The following DNAH14 variants were observed in gnomAD, a reference collection of about 807,000 sequenced individuals.
DNAH14 encodes axonemal beta dynein heavy chain 14.
Under a neutral mutation model 520.9 loss-of-function variants are expected in DNAH14, and 478 were observed. That is an observed-to-expected ratio of 0.92 (90% CI 0.85 to 0.99). DNAH14 has a LOEUF of 0.99. DNAH14 is among the 50% of genes least tolerant of loss of function. DNAH14 has a pLI of 0.00. For synonymous variants in DNAH14, 1,581 were observed against 1,757.2 expected (o/e 0.90, Z 2.51); for missense variants, 4,831 against 5,234.5 (o/e 0.92, Z 2.38).
At position 225,138,681 on chromosome 1, in the gene DNAH14, G is replaced by A. The variant is rs111636003; in HGVS notation, c.4255-2087G>A. Among the ~76,000 whole-genome samples the A allele has an allele frequency of 3.8e-3, 585 of 152,218 alleles. 5 individuals are homozygous for A. Among genetic ancestry groups the A allele is most frequent in the African/African-American group, 0.013 (553 of 41,518 alleles). ...GCTCCACAGGTTGCAAAGATTCGTG[G>A]GAAAAGCATGGTTTCCCGGGTGGGG... On this transcript the variant is annotated intron_variant, in intron 27 of 85. Coordinates refer to ENST00000682510, the MANE Select transcript of DNAH14 (RefSeq NM_001367479.1).
At chr1:225,036,211 C>T (rs1028881376) in intron 11 of DNAH14, among the ~76,000 whole-genome samples, 1 of 152,180 alleles carries the variant, frequency 6.6e-6, no homozygotes, top group Admixed American at 6.5e-5. Flanking sequence ...TCTTGGCTCA[C>T]TGCAACCTCC....
intron 17 of DNAH14, among the ~76,000 whole-genome samples, chr1:225,077,503 T>TGG (rs2072447083): frequency 1.3e-5 from 2 of 151,588 alleles, no homozygotes; most frequent in African/African-American, 2.4e-5. Context: ...CAAAATTTTT[T>TGG]GGGCATTTAA....
At chr1:225,312,577 A>C (rs1489597017) in intron 60 of DNAH14, among the ~76,000 whole-genome samples, 1 of 152,092 alleles carries the variant, frequency 6.6e-6, no homozygotes, top group Non-Finnish European at 1.5e-5. Context: ...TATTGGCTGT[A>C]GGTTTGTCAT....
intron 63 of DNAH14, 65 bp downstream of exon 63, chr1:225,324,418 T>G (rs1272958467): frequency 9.2e-6 from 14 of 1,520,294 alleles, no homozygotes; most frequent in Non-Finnish European, 1.1e-5. Flanking sequence ...CCAGAAATAA[T>G]TTTTATTTAC....
intron 23 of DNAH14, among the ~76,000 whole-genome samples, chr1:225,106,602 C>G (rs1411484093): frequency 6.6e-6 from 1 of 151,944 alleles, no homozygotes; most frequent in Admixed American, 6.6e-5. Context: ...TTTCTCTAAA[C>G]TTTTCTTCTC....
intron 84 of DNAH14, among the ~76,000 whole-genome samples, chr1:225,393,452 G>GT (rs1230019553): frequency 6.6e-6 from 1 of 152,184 alleles, no homozygotes; most frequent in African/African-American, 2.4e-5. Flanking sequence ...GTAACACAAT[G>GT]GTAATTTGTG....
intron 21 of DNAH14, among the ~76,000 whole-genome samples, chr1:225,087,637 G>T (rs1015012871): frequency 1.3e-5 from 2 of 152,220 alleles, no homozygotes; most frequent in African/African-American, 4.8e-5. Context: ...GAAGGAAGAT[G>T]GGGAGGAGTA....
intron 37 of DNAH14, 21 bp downstream of exon 37, chr1:225,185,446 A>C: frequency 6.6e-7 from 1 of 1,509,498 alleles, no homozygotes; most frequent in Non-Finnish European, 8.8e-7. Flanking sequence ...TGTTAAATAA[A>C]ATGTTTCTCT....
chr1:225,051,081 G>A (rs768741235), intron 16 of DNAH14, among the ~76,000 whole-genome samples: 2 of 152,152 alleles, frequency 1.3e-5, no homozygotes, highest in Non-Finnish European at 2.9e-5. Flanking sequence ...AACAGGCCGT[G>A]GACTGGCACT....
chr1:225,050,183 T>C, intron 15 of DNAH14, 27 bp from the exon 16 acceptor site: 1 of 1,511,976 alleles, frequency 6.6e-7, no homozygotes, highest in Non-Finnish European at 8.8e-7. Flanking sequence ...ATTTCTGAAG[T>C]ACTGACTTTT....
Position 225,017,948 on chromosome 1 carries a change from C to T in DNAH14, c.1108-5667C>T, listed in dbSNP as rs7539853. ...ACAACAACTTCAAAGGATAAAGGAA[C>T]ATCAGCTTTCACAGATCAGAAACAG... On this transcript the variant is annotated intron_variant, in intron 10 of 85. Transcript: ENST00000682510. 5.0e-3 allele frequency among the ~76,000 whole-genome samples: 766 copies of T among 152,318 alleles called. 6 individuals are homozygous for T. Among genetic ancestry groups the T allele is most frequent in the African/African-American group, 0.017 (723 of 41,580 alleles).
chr1:225,123,717 G>A (rs1179878694), intron 27 of DNAH14, 103 bp downstream of exon 27: 1 of 198,422 alleles, frequency 5.0e-6, no homozygotes, highest in South Asian at 1.0e-4. Flanking sequence ...AATAAAGTGA[G>A]TCACATGATT....
At chr1:225,124,449 CT>C (rs2077537156) in intron 27 of DNAH14, among the ~76,000 whole-genome samples, 1 of 152,162 alleles carries the variant, frequency 6.6e-6, no homozygotes. Context: ...ATACTAAATC[CT>C]TTTTTGTCAT....
At chr1:225,159,528 G>A (rs2081340210) in intron 35 of DNAH14, 43 bp downstream of exon 35, 5 of 1,442,706 alleles carry the variant, frequency 3.5e-6, no homozygotes, top group Non-Finnish European at 4.6e-6. Flanking sequence ...TTTGGATGTG[G>A]AATATCAATT....
At chr1:225,367,238 TCA>T (rs2095565235) in intron 76 of DNAH14, among the ~76,000 whole-genome samples, 1 of 152,108 alleles carries the variant, frequency 6.6e-6, no homozygotes, top group Non-Finnish European at 1.5e-5. Flanking sequence ...CACCTCACCC[TCA>T]GTCTCGCATC....
chr1:225,335,179 G>C (rs1256261214), intron 66 of DNAH14, among the ~76,000 whole-genome samples: 2 of 138,704 alleles, frequency 1.4e-5, no homozygotes, highest in African/African-American at 5.0e-5. Context: ...GTGTACATGT[G>C]CGCATGTGTG....
At chr1:225,060,213 C>T (rs1001387114) in intron 17 of DNAH14, among the ~76,000 whole-genome samples, 1 of 152,184 alleles carries the variant, frequency 6.6e-6, no homozygotes. Flanking sequence ...TTGTTCATTT[C>T]TTTTTATTTT....
intron 60 of DNAH14, among the ~76,000 whole-genome samples, chr1:225,310,546 C>G (rs574514484): frequency 6.6e-6 from 1 of 152,170 alleles, no homozygotes; most frequent in East Asian, 1.9e-4. Context: ...TTTGCTGCAC[C>G]CATTAACCCG....
At chr1:225,354,056 T>G in intron 73 of DNAH14, 168 bp downstream of exon 73, 1 of 678,784 alleles carries the variant, frequency 1.5e-6, no homozygotes, top group Non-Finnish European at 2.7e-6. Flanking sequence ...AATGCTTCTT[T>G]CATGTGGAGA....
Sources: allele counts gnomAD v4.1 joint callset (sites outside exome capture counted in the v4.1 genomes callset), GRCh38; gene constraint gnomAD v4.1.1; transcripts MANE v1.5; gene names NCBI Gene and HGNC (gene_info 2026-07-23, HGNC 2026-07-21).